The following ZNF782 variants were observed in gnomAD, a reference collection of about 807,000 sequenced individuals.
ZNF782 encodes the protein zinc finger protein 782.
In ZNF782, 12 loss-of-function variants were observed where a neutral mutation model predicts 13.0. That is an observed-to-expected ratio of 0.92 (90% CI 0.59 to 1.50). The LOEUF (loss-of-function observed/expected upper bound fraction) is 1.50. ZNF782 is among the 40% of genes most tolerant of loss of function. The pLI, the probability that ZNF782 is intolerant of heterozygous loss-of-function variation, is 0.00. For synonymous variants in ZNF782, 284 were observed against 283.0 expected (o/e 1.00, Z -0.04); for missense variants, 770 against 822.9 (o/e 0.94, Z 0.79).
rs1463575786 is a variant in ZNF782, at chr9:96,825,611, G to A, written c.244+1469C>T. On this transcript the variant is annotated intron_variant, in intron 5 of 5. Coordinates refer to ENST00000481138, the MANE Select transcript of ZNF782 (RefSeq NM_001001662.3). ...CAGCAAAAGAAACTACCATCAGAGT[G>A]AACAGACAACCTACAAAATGGGAGA... is the stretch of plus-strand genomic sequence containing the variant. Among the ~76,000 whole-genome samples, 648 of 151,442 alleles carry A rather than the reference G, an allele frequency of 4.3e-3. 3 individuals carry two copies. Among genetic ancestry groups the A allele is most frequent in the Middle Eastern group, 0.01 (3 of 290 alleles).
chr9:96,899,728 A>G, the ZNF782 span, among the ~76,000 whole-genome samples: 2 of 152,304 alleles, frequency 1.3e-5, no homozygotes, highest in Non-Finnish European at 2.9e-5. Context: ...TAGATGGTAA[A>G]CCTCCAACTC....
chr9:96,820,492 C>T (rs1850375947), intron 5 of ZNF782, among the ~76,000 whole-genome samples: 1 of 151,880 alleles, frequency 6.6e-6, no homozygotes, highest in African/African-American at 2.4e-5. Context: ...ACTGCTCTGC[C>T]CTAGCTCTGG....
chr9:96,879,703 A>G (rs1851939315), upstream of ZNF782, among the ~76,000 whole-genome samples: 1 of 152,228 alleles, frequency 6.6e-6, no homozygotes, highest in Non-Finnish European at 1.5e-5. Context: ...TATGGCCTTA[A>G]AAAGAGGAAC....
chr9:96,860,519 A>G (rs773016082), intron 2 of ZNF782: 4 of 152,234 alleles, frequency 2.6e-5, no homozygotes, highest in Non-Finnish European at 5.9e-5. Context: ...AAGACCACCA[A>G]TGTGGTGCCT....
At chr9:96,886,023 T>C in the ZNF782 span, among the ~76,000 whole-genome samples, 3 of 152,094 alleles carry the variant, frequency 2.0e-5, no homozygotes, top group South Asian at 4.1e-4. Flanking sequence ...AAGTTTTGTA[T>C]TTTTTGTAGG....
upstream of ZNF782, among the ~76,000 whole-genome samples, chr9:96,879,571 T>C (rs1178066313): frequency 1.3e-5 from 2 of 152,164 alleles, no homozygotes; most frequent in Non-Finnish European, 2.9e-5. Context: ...TTACAAAGCC[T>C]GGGCAGAGTT....
At chr9:96,887,979 G>C in the ZNF782 span, 1 of 141,356 alleles carries the variant, frequency 7.1e-6, no homozygotes, top group African/African-American at 2.7e-5. Flanking sequence ...GAGAACACAT[G>C]GACACAGGAA....
intron 5 of ZNF782, among the ~76,000 whole-genome samples, chr9:96,826,419 G>C (rs1850622721): frequency 6.6e-6 from 1 of 151,964 alleles, no homozygotes; most frequent in Non-Finnish European, 1.5e-5. Flanking sequence ...GGAGGGGGAA[G>C]GGATAGCTTT....
At chr9:96,845,650 C>A (rs957319789) in intron 3 of ZNF782, among the ~76,000 whole-genome samples, 19 of 151,880 alleles carry the variant, frequency 1.3e-4, no homozygotes, top group Non-Finnish European at 1.9e-4. Flanking sequence ...ACAAAAAGCT[C>A]AGAAAAAAGA....
chr9:96,836,596 A>T (rs1459820992), intron 4 of ZNF782, among the ~76,000 whole-genome samples: 1 of 152,066 alleles, frequency 6.6e-6, no homozygotes, highest in African/African-American at 2.4e-5. Context: ...AGTGGGATGG[A>T]ATATTATATT....
the ZNF782 span, chr9:96,890,445 C>G: frequency 6.6e-6 from 1 of 152,426 alleles, no homozygotes; most frequent in Admixed American, 6.5e-5. Context: ...CTGTGTTTCC[C>G]TAGCAAGGAT....
chr9:96,899,470 T>TA, the ZNF782 span, among the ~76,000 whole-genome samples: 1 of 152,232 alleles, frequency 6.6e-6, no homozygotes, highest in African/African-American at 2.4e-5. Flanking sequence ...GAGCTCTCTT[T>TA]AAAGATCTTG....
At chr9:96,931,984 G>A in the ZNF782 span, 11 of 1,611,080 alleles carry the variant, frequency 6.8e-6, no homozygotes, top group African/African-American at 1.3e-5. Flanking sequence ...GGCCTGTGAA[G>A]CCCCCTCAGG....
upstream of ZNF782, among the ~76,000 whole-genome samples, chr9:96,880,432 G>A (rs1036059468): frequency 4.6e-5 from 7 of 152,118 alleles, no homozygotes; most frequent in South Asian, 4.1e-4. Context: ...GTGGTTCCTC[G>A]TTTTTTAGGT....
intron 4 of ZNF782, among the ~76,000 whole-genome samples, chr9:96,829,867 C>A (rs1026770019): frequency 2.6e-5 from 4 of 152,056 alleles, no homozygotes; most frequent in Non-Finnish European, 5.9e-5. Context: ...GTACTTTCTC[C>A]TATCTTTTCT....
At chr9:96,857,715 T>C (rs774845738), upstream of ZNF782, among the ~76,000 whole-genome samples, 9 of 152,234 alleles carry the variant, frequency 5.9e-5, no homozygotes, top group Non-Finnish European at 1.2e-4. Flanking sequence ...GTAAGGTTTT[T>C]GTGAACTTTC....
At chr9:96,897,457 A>T in the ZNF782 span, among the ~76,000 whole-genome samples, 243 of 151,800 alleles carry the variant, frequency 1.6e-3, no homozygotes, top group African/African-American at 5.1e-3. Flanking sequence ...TCTTCTCAGG[A>T]TTGGAAGGTG....
chr9:96,898,800 G>T, the ZNF782 span, among the ~76,000 whole-genome samples: 2 of 148,102 alleles, frequency 1.4e-5, no homozygotes, highest in Non-Finnish European at 2.9e-5. Context: ...ACCCACCTGG[G>T]CCTCCCAAAG....
chr9:96,916,944 C>A, the ZNF782 span, among the ~76,000 whole-genome samples: 1 of 100,068 alleles, frequency 1.0e-5, no homozygotes, highest in African/African-American at 3.8e-5. Context: ...GGGCATCCAT[C>A]CATAATCTGG....
Sources: allele counts gnomAD v4.1 joint callset (sites outside exome capture counted in the v4.1 genomes callset), GRCh38; gene constraint gnomAD v4.1.1; transcripts MANE v1.5; gene names NCBI Gene and HGNC (gene_info 2026-07-23, HGNC 2026-07-21).